SHBG: variants seen among roughly 807,000 people sequenced by gnomAD.
SHBG encodes sex hormone binding globulin, also known as sex hormone-binding globulin.
Under a neutral mutation model 41.9 loss-of-function variants are expected in SHBG, and 37 were observed. The ratio of observed to expected loss-of-function variants is 0.88; its 90% CI spans 0.68 to 1.16. The LOEUF is 1.16. SHBG is among the 50% of genes most tolerant of loss of function. The pLI is 0.00. For missense variants in SHBG, 466 were observed against 499.9 expected, an observed-to-expected ratio of 0.93 and a Z score of 0.65; for synonymous variants, 217 against 205.8, an observed-to-expected ratio of 1.05 and a Z score of -0.47.
chr17:7,630,135 A>T lies in SHBG; in HGVS notation c.-38A>T. 1.9e-6 allele frequency: 3 copies of T among 1,550,240 alleles called. No homozygotes were observed. Among genetic ancestry groups the T allele is most frequent in the Non-Finnish European group, 2.7e-6 (3 of 1,122,752 alleles). The stretch of plus-strand genomic sequence containing the variant: ...GCTGCCTGCCTCTACACATTCTCCC[A>T]AGAGTTGTCTGAGCCGCCGAGTGGA... On this transcript the variant is annotated 5_prime_UTR_variant, in exon 1 of 8. Transcript: ENST00000380450. This position sits in a 1 kb window ranked among gnomAD's most constrained non-coding sequence, Gnocchi z 4.6.
upstream of SHBG, among the ~76,000 whole-genome samples, chr17:7,628,652 G>T (rs547970620): frequency 4.2e-4 from 64 of 151,680 alleles, no homozygotes; most frequent in Non-Finnish European, 6.8e-4. Context: ...CACTATGTTG[G>T]CCAGGCTGGT....
upstream of SHBG, chr17:7,626,691 TC>T: frequency 1.3e-6 from 2 of 1,572,906 alleles, no homozygotes; most frequent in Admixed American, 1.7e-5. Context: ...TCAACCCGGG[TC>T]CCCCCTCCAT....
chr17:7,632,776 G>T lies in SHBG; in HGVS notation c.877G>T (p.Gly293Trp). Residue 293 changes from glycine (G) to tryptophan (W), a missense_variant, in exon 7 of 8, where the codon GGG becomes TGG. By Grantham distance (184) the Gly-to-Trp change is radical. Transcript: ENST00000380450. ...GAAGGTGGTGTTGTCTTCTGGGTCG[G>T]GGCCAGGGCTGGATCTGCCCCTGGT... ...DQKVVLSSGS[G>W]PGLDLPLVLG... 1.2e-6 allele frequency: 2 copies of T among 1,613,848 alleles called. No homozygotes were observed. Among genetic ancestry groups the T allele is most frequent in the Non-Finnish European group, 1.7e-6 (2 of 1,179,960 alleles).
intron 1 of SHBG, chr17:7,614,428 T>G: frequency 6.7e-7 from 1 of 1,493,344 alleles, no homozygotes; most frequent in South Asian, 1.2e-5. Flanking sequence ...AGGACCGGCG[T>G]CCCCAGTCGG....
chr17:7,616,098 G>A (rs1196625602), intron 1 of SHBG, among the ~76,000 whole-genome samples: 2 of 151,484 alleles, frequency 1.3e-5, no homozygotes, highest in Non-Finnish European at 2.9e-5. Flanking sequence ...CACGAGGTCA[G>A]GAGATGGAGA....
chr17:7,618,743 T>A lies in SHBG; in HGVS notation c.-62+4632T>A, dbSNP rs977509102. ...TAAACATAGAAAGAGGAAACACAGG[T>A]TCCAGGAAACAGGACGTCAACACAA... On this transcript the variant is annotated intron_variant, in intron 1 of 5. Coordinates refer to the SHBG transcript ENST00000570547. 2.0e-5 allele frequency among the ~76,000 whole-genome samples: 3 copies of A among 152,048 alleles called. No individual in the cohort carries two copies. The South Asian group carries it at 6.2e-4, about 32-fold the overall frequency.
intron 1 of SHBG, among the ~76,000 whole-genome samples, chr17:7,617,468 T>C (rs1033316484): frequency 6.6e-6 from 1 of 151,870 alleles, no homozygotes; most frequent in African/African-American, 2.4e-5. Flanking sequence ...CTGGGCATGG[T>C]GGCACGCGCT....
upstream of SHBG, among the ~76,000 whole-genome samples, chr17:7,622,993 C>T (rs921517162): frequency 2.2e-4 from 33 of 150,342 alleles, no homozygotes; most frequent in African/African-American, 7.1e-4. Flanking sequence ...GCCGAGATCG[C>T]GCCACTGCAC....
rs377736382 is a variant in SHBG, at chr17:7,632,022, G to T, written c.852+7G>T. On this transcript the variant is annotated splice_region_variant and intron_variant, in intron 6 of 7. Transcript: ENST00000380450. The stretch of plus-strand genomic sequence containing the variant: ...TCTCCACCTCCAAGATCAAGTAAAG[G>T]GGGACAGTGGGGCATTGCCTGTATT... 1.9e-6 allele frequency: 3 copies of T among 1,612,780 alleles called. No homozygotes were observed. Among genetic ancestry groups the T allele is most frequent in the East Asian group, 4.5e-5 (2 of 44,886 alleles).
upstream of SHBG, chr17:7,627,512 A>G: frequency 1.3e-6 from 2 of 1,590,028 alleles, no homozygotes; most frequent in Non-Finnish European, 1.7e-6. This position sits in a 1 kb window ranked among gnomAD's most constrained non-coding sequence, Gnocchi z 4.8. Context: ...CCCGCCTCCT[A>G]CGACCCCGCT....
intron 1 of SHBG, among the ~76,000 whole-genome samples, chr17:7,622,290 T>G (rs1181866404): frequency 6.6e-6 from 1 of 151,006 alleles, no homozygotes; most frequent in Admixed American, 6.6e-5. Context: ...TTTTCTTTTG[T>G]AAGAGGGAGT....
chr17:7,628,047 C>A (rs544365734), upstream of SHBG: 20 of 467,594 alleles, frequency 4.3e-5, no homozygotes, highest in East Asian at 1.3e-3. Context: ...CAACCTGGGT[C>A]GAGATACCCC....
chr17:7,614,458 G>T, intron 1 of SHBG: 1 of 1,540,190 alleles, frequency 6.5e-7, no homozygotes, highest in Non-Finnish European at 8.7e-7. Context: ...TCACCTTGTA[G>T]AAGGCCCCGT....
chr17:7,627,304 G>C, upstream of SHBG: 2 of 1,612,928 alleles, frequency 1.2e-6, no homozygotes, highest in South Asian at 2.2e-5. This position sits in a 1 kb window ranked among gnomAD's most constrained non-coding sequence, Gnocchi z 4.8. Context: ...TGTCGCCTGG[G>C]GAACCCATCC....
chr17:7,628,767 G>T (rs1361519990), upstream of SHBG, among the ~76,000 whole-genome samples: 1 of 151,946 alleles, frequency 6.6e-6, no homozygotes, highest in African/African-American at 2.4e-5. Flanking sequence ...TTTTAAAATG[G>T]GTCATGGGGT....
upstream of SHBG, chr17:7,626,176 A>G (rs559524191): frequency 1.2e-5 from 4 of 336,812 alleles, no homozygotes; most frequent in South Asian, 1.1e-4. Flanking sequence ...CGTGCGCGAC[A>G]GAGACTCTGT....
At chr17:7,622,097 G>A (rs1171465804) in intron 1 of SHBG, among the ~76,000 whole-genome samples, 1 of 150,542 alleles carries the variant, frequency 6.6e-6, no homozygotes, top group Non-Finnish European at 1.5e-5. Context: ...TACCCGCCTC[G>A]GCCTCCCAAA....
chr17:7,616,409 C>T (rs865951593), intron 1 of SHBG, among the ~76,000 whole-genome samples: 2 of 141,446 alleles, frequency 1.4e-5, no homozygotes, highest in Admixed American at 1.5e-4. Context: ...AGATCGAGAC[C>T]ATCCTGGCTA....
At chr17:7,626,950 T>TC, upstream of SHBG, 2 of 1,613,776 alleles carry the variant, frequency 1.2e-6, no homozygotes, top group Non-Finnish European at 1.7e-6. Context: ...TACCCCGATA[T>TC]TCCGGCATCA....
Sources: gnomAD v4.1 joint callset for allele counts (sites outside exome capture counted in the v4.1 genomes callset) on GRCh38, gnomAD v4.1.1 for gene constraint, Gnocchi (gnomAD v3.1) non-coding constraint, MANE v1.5 for transcripts, NCBI Gene and HGNC (gene_info 2026-07-23, HGNC 2026-07-21) for gene names.